Variants in DACH2 observed in about 807,000 individuals in gnomAD.
DACH2 encodes dachshund homolog 2.
A neutral mutation model predicts 35.8 loss-of-function variants in DACH2; 17 were observed. The ratio of observed to expected loss-of-function variants is 0.48; its 90% CI spans 0.33 to 0.71. The LOEUF is 0.71. Ranked by LOEUF, DACH2 falls within the 30% of genes least tolerant of loss-of-function variation. The probability of loss-of-function intolerance (pLI) is 0.02; values close to 1 mark genes in which losing one functional copy is unlikely to be tolerated. For missense variants in DACH2, 469 were observed against 472.7 expected (o/e 0.99, Z 0.07); for synonymous variants, 195 against 177.3 (o/e 1.10, Z -0.79).
chrX:86,569,458 T>A (rs1318498215), intron 3 of DACH2, among the ~76,000 whole-genome samples: 1 of 111,009 alleles, frequency 9.0e-6, no homozygotes, highest in Non-Finnish European at 1.9e-5. Context: ...ATATATCGTT[T>A]CTAAAAAAGG....
chrX:86,293,163 C>G (rs1335369250), intron 1 of DACH2, among the ~76,000 whole-genome samples: 20 of 103,088 alleles, frequency 1.9e-4, no homozygotes, highest in African/African-American at 6.5e-4. Flanking sequence ...TTGAATTGAT[C>G]CCTTTACCAT....
intron 3 of DACH2, among the ~76,000 whole-genome samples, chrX:86,649,346 A>C (rs1481709916): frequency 9.0e-6 from 1 of 111,177 alleles, no homozygotes; most frequent in Non-Finnish European, 1.9e-5. Context: ...TATCATAGCC[A>C]GGATTCAGTT....
chrX:86,278,479 G>A (rs1289505160), intron 1 of DACH2, among the ~76,000 whole-genome samples: 1 of 112,083 alleles, frequency 8.9e-6, no homozygotes, highest in Non-Finnish European at 1.9e-5. Flanking sequence ...GGATTCTTAT[G>A]CTACAGGAAA....
chrX:86,604,653 G>T (rs1474262507), intron 3 of DACH2, among the ~76,000 whole-genome samples: 1 of 111,503 alleles, frequency 9.0e-6, no homozygotes, highest in Non-Finnish European at 1.9e-5. Flanking sequence ...GGGATTCGAT[G>T]ATGTAATTAA....
At position 86,736,002 on chromosome X, in the gene DACH2, A is replaced by T. The variant is rs145303474; in HGVS notation, c.1105-3745A>T. On this transcript the variant is annotated intron_variant, in intron 6 of 11. Transcript: ENST00000373125. Reference sequence around the variant, plus strand: ...ACTAGGCTGAGACACAACAGTAGCCACCTAATGAACCAAAGCATATTGCAG... The same window carrying T: ...ACTAGGCTGAGACACAACAGTAGCCTCCTAATGAACCAAAGCATATTGCAG... 4.4e-3 allele frequency among the ~76,000 whole-genome samples: 489 copies of T among 111,598 alleles called. 5 individuals carry two copies. The highest frequency in any genetic ancestry group is 0.015 in the African/African-American group (474 of 30,847).
In DACH2 at chrX:86,359,119, GTGTGCA is replaced by G. The variant is rs1438011601; in HGVS notation, c.489-17700_489-17695del. ...TGTGTGTGTGTGTGTGTGTGTTTGT[GTGTGCA>G]TGTGTGTATTTAATTAAAGAGTGCC... On this transcript the variant is annotated intron_variant, in intron 1 of 11. Coordinates refer to ENST00000373125, the MANE Select transcript of DACH2 (RefSeq NM_053281.3). 6.4e-5 allele frequency among the ~76,000 whole-genome samples: 7 copies of G among 108,822 alleles called. No homozygotes were observed. In the South Asian group the frequency reaches 2.8e-3, roughly 43 times the overall value. 94.5% of individuals were successfully genotyped at this position (108,822 alleles called of 115,157 possible).
intron 2 of DACH2, among the ~76,000 whole-genome samples, chrX:86,446,142 A>G (rs1318051915): frequency 9.0e-6 from 1 of 110,801 alleles, no homozygotes; most frequent in Non-Finnish European, 1.9e-5. Flanking sequence ...TTTAAAGTCT[A>G]AGTTACCTGC....
intron 3 of DACH2, among the ~76,000 whole-genome samples, chrX:86,590,976 C>T (rs938542545): frequency 6.4e-5 from 7 of 110,110 alleles, no homozygotes; most frequent in African/African-American, 1.3e-4. Flanking sequence ...CCCCCTTCCC[C>T]GCACCCTACA....
chrX:86,575,468 T>C (rs1178892778), intron 3 of DACH2, among the ~76,000 whole-genome samples: 1 of 111,277 alleles, frequency 9.0e-6, no homozygotes, highest in Non-Finnish European at 1.9e-5. Context: ...AAGAAGGTGA[T>C]TTAACATTGA....
intron 2 of DACH2, among the ~76,000 whole-genome samples, chrX:86,442,997 G>A (rs927402996): frequency 8.9e-6 from 1 of 111,953 alleles, no homozygotes; most frequent in African/African-American, 3.2e-5. Context: ...ATATTTGGAA[G>A]TCAGGTAGTG....
At chrX:86,375,368 A>G (rs2035946974) in intron 1 of DACH2, among the ~76,000 whole-genome samples, 1 of 100,329 alleles carries the variant, frequency 1.0e-5, no homozygotes, top group Non-Finnish European at 2.0e-5. Context: ...TATAATACAT[A>G]TATAATTATA....
intron 4 of DACH2, among the ~76,000 whole-genome samples, chrX:86,672,385 T>C (rs1222692825): frequency 2.7e-5 from 3 of 111,765 alleles, no homozygotes; most frequent in Non-Finnish European, 5.6e-5. Context: ...CAAAGGGATT[T>C]CAGAGACATT....
At chrX:86,182,436 G>A (rs976651170) in intron 1 of DACH2, among the ~76,000 whole-genome samples, 5 of 111,392 alleles carry the variant, frequency 4.5e-5, no homozygotes, top group Admixed American at 1.9e-4. Flanking sequence ...CATTTATTAA[G>A]TAGGGAATCC....
intron 9 of DACH2, among the ~76,000 whole-genome samples, chrX:86,814,087 C>T (rs1417994642): frequency 2.7e-5 from 3 of 110,712 alleles, no homozygotes; most frequent in Non-Finnish European, 5.7e-5. Context: ...ATTATGCAGC[C>T]TATGACTGTA....
intron 1 of DACH2, among the ~76,000 whole-genome samples, chrX:86,316,690 G>A (rs747127230): frequency 9.0e-6 from 1 of 111,328 alleles, no homozygotes; most frequent in Non-Finnish European, 1.9e-5. Flanking sequence ...ACAGCAGCTA[G>A]GGCTCCTCCT....
At chrX:86,195,595 C>G (rs1005485442) in intron 1 of DACH2, among the ~76,000 whole-genome samples, 1 of 112,478 alleles carries the variant, frequency 8.9e-6, no homozygotes, top group South Asian at 3.7e-4. Context: ...AGCATGCACT[C>G]TGCCATGCTA....
At chrX:86,643,188 G>GA (rs2040369075) in intron 3 of DACH2, among the ~76,000 whole-genome samples, 1 of 68,213 alleles carries the variant, frequency 1.5e-5, no homozygotes, top group Non-Finnish European at 2.8e-5. Flanking sequence ...TTTTTTTTTT[G>GA]AAAAAAATAA....
At chrX:86,795,671 G>A (rs745883054) in intron 7 of DACH2, among the ~76,000 whole-genome samples, 4 of 112,319 alleles carry the variant, frequency 3.6e-5, no homozygotes, top group South Asian at 7.4e-4. Flanking sequence ...GAATGAAGCC[G>A]CGGACCCTCG....
At chrX:86,295,936 T>A (rs2034444586) in intron 1 of DACH2, among the ~76,000 whole-genome samples, 1 of 110,422 alleles carries the variant, frequency 9.1e-6, no homozygotes, top group African/African-American at 3.3e-5. Flanking sequence ...GATGTGTGTG[T>A]GTGTATAGAT....
Sources: gnomAD v4.1 joint callset for allele counts (sites outside exome capture counted in the v4.1 genomes callset) on GRCh38, gnomAD v4.1.1 for gene constraint, MANE v1.5 for transcripts, NCBI Gene and HGNC (gene_info 2026-07-23, HGNC 2026-07-21) for gene names.